DLEU7: variants seen among roughly 807,000 people sequenced by gnomAD.
The protein encoded by DLEU7 is leukemia-associated protein 7.
Under a neutral mutation model 16.0 loss-of-function variants are expected in DLEU7, and 17 were observed. The observed-to-expected ratio is 1.06, with a 90% CI of 0.73 to 1.59. The LOEUF (loss-of-function observed/expected upper bound fraction) is 1.59. Among genes scored for constraint, DLEU7 ranks in the 40% most tolerant of loss-of-function variants. The probability of loss-of-function intolerance (pLI) is 0.00; values close to 1 mark genes in which losing one functional copy is unlikely to be tolerated. For missense variants in DLEU7, 308 were observed against 314.9 expected (o/e 0.98, Z 0.17); for synonymous variants, 113 against 139.8 (o/e 0.81, Z 1.35).
At chr13:50,717,233 C>T (rs1338155108) in intron 1 of DLEU7, among the ~76,000 whole-genome samples, 1 of 152,106 alleles carries the variant, frequency 6.6e-6, no homozygotes, top group Admixed American at 6.5e-5. Flanking sequence ...AGTGAATTTG[C>T]TATATACAAG....
intron 1 of DLEU7, chr13:50,840,177 C>T (rs998427536): frequency 2.0e-5 from 3 of 152,146 alleles, no homozygotes; most frequent in Non-Finnish European, 2.9e-5. Context: ...TTTCCATTCC[C>T]GGAAATCCTC....
rs146732451 is a variant in DLEU7, at chr13:50,801,780, T to C, written c.459+41408A>G. Among the ~76,000 whole-genome samples the C allele has an allele frequency of 3.0e-4, 45 of 152,280 alleles. No homozygotes were observed. The East Asian group carries it at 8.1e-3, about 27-fold the overall frequency. On this transcript the variant is annotated intron_variant, in intron 1 of 1. Transcript: ENST00000400393. ...GTTAGGGAGTTCAAAGTTGAATTCATGAGAATCTGAGAAATCTATGTCAAT... is the reference window on the plus strand; with the variant it reads ...GTTAGGGAGTTCAAAGTTGAATTCACGAGAATCTGAGAAATCTATGTCAAT...
At chr13:50,739,003 A>ACG (rs1190802000) in intron 1 of DLEU7, among the ~76,000 whole-genome samples, 1 of 87,082 alleles carries the variant, frequency 1.1e-5, no homozygotes, top group Non-Finnish European at 2.1e-5. Flanking sequence ...ACACACACAC[A>ACG]CGCACACACA....
intron 1 of DLEU7, among the ~76,000 whole-genome samples, chr13:50,778,134 T>C (rs1566248536): frequency 6.6e-6 from 1 of 151,970 alleles, no homozygotes; most frequent in Non-Finnish European, 1.5e-5. Flanking sequence ...GACTTGGGGG[T>C]CTCAGGAAAC....
chr13:50,807,080 TTAAG>T (rs1168983037), intron 1 of DLEU7, among the ~76,000 whole-genome samples: 1 of 151,376 alleles, frequency 6.6e-6, no homozygotes, highest in African/African-American at 2.4e-5. Context: ...AGTACTAAAA[TTAAG>T]TGTGTTAAAT....
At chr13:50,729,491 A>G (rs549714497) in intron 1 of DLEU7, among the ~76,000 whole-genome samples, 23 of 152,276 alleles carry the variant, frequency 1.5e-4, no homozygotes, top group Non-Finnish European at 3.2e-4. Context: ...CACAATGATC[A>G]TTTGTGTGCA....
At chr13:50,810,418 A>G (rs191132046) in intron 1 of DLEU7, among the ~76,000 whole-genome samples, 2 of 152,276 alleles carry the variant, frequency 1.3e-5, no homozygotes, top group East Asian at 3.9e-4. Flanking sequence ...ATATGTTTCT[A>G]CCATCTATTA....
chr13:50,839,468 T>C (rs1197733784), intron 1 of DLEU7, among the ~76,000 whole-genome samples: 1 of 152,202 alleles, frequency 6.6e-6, no homozygotes, highest in Admixed American at 6.5e-5. Flanking sequence ...AAAATCCTAT[T>C]TTTAAATGTC....
chr13:50,800,848 C>G (rs1018667479), intron 1 of DLEU7, among the ~76,000 whole-genome samples: 3 of 152,064 alleles, frequency 2.0e-5, no homozygotes, highest in Non-Finnish European at 2.9e-5. Context: ...ACTTTTCTGT[C>G]TCCTTATGTT....
downstream of DLEU7, among the ~76,000 whole-genome samples, chr13:50,819,543 G>GA (rs747096687): frequency 6.6e-6 from 1 of 152,174 alleles, no homozygotes; most frequent in Non-Finnish European, 1.5e-5. Flanking sequence ...CCTAGGACCA[G>GA]AATAGTGGCT....
chr13:50,786,319 TA>T (rs1405810173), intron 1 of DLEU7, among the ~76,000 whole-genome samples: 2 of 152,210 alleles, frequency 1.3e-5, no homozygotes, highest in Non-Finnish European at 2.9e-5. Flanking sequence ...GCAAATTATG[TA>T]ATTGCCCAGA....
At chr13:50,798,806 G>A (rs1876169694) in intron 1 of DLEU7, among the ~76,000 whole-genome samples, 1 of 152,188 alleles carries the variant, frequency 6.6e-6, no homozygotes, top group East Asian at 1.9e-4. Context: ...AGTGCACACA[G>A]CCATTGCTCC....
In DLEU7 at chr13:50,733,758, G is replaced by A. The variant is rs1020698972; in HGVS notation, c.460-20518C>T. On this transcript the variant is annotated intron_variant, in intron 1 of 1. Coordinates refer to the DLEU7 transcript ENST00000400393. ...TAACAAAATAATAATAGTAACTTCC[G>A]CTTTGACTGTTAAGTATCACACATT... is the stretch of plus-strand genomic sequence containing the variant. Among the ~76,000 whole-genome samples, 16 of 151,978 alleles carry A rather than the reference G, an allele frequency of 1.1e-4. No homozygotes were observed. The South Asian group carries it at 1.2e-3, about 12-fold the overall frequency.
chr13:50,828,103 C>A (rs576679294), intron 1 of DLEU7, among the ~76,000 whole-genome samples: 1 of 152,160 alleles, frequency 6.6e-6, no homozygotes, highest in African/African-American at 2.4e-5. Context: ...AACATACATT[C>A]AGTCTACACA....
At chr13:50,730,694 A>G (rs550690416) in intron 1 of DLEU7, among the ~76,000 whole-genome samples, 7 of 152,248 alleles carry the variant, frequency 4.6e-5, no homozygotes, top group African/African-American at 1.7e-4. Flanking sequence ...CAGAAAAGGC[A>G]TTTTACAACT....
At chr13:50,722,280 A>G (rs1276472608) in intron 1 of DLEU7, among the ~76,000 whole-genome samples, 1 of 152,186 alleles carries the variant, frequency 6.6e-6, no homozygotes, top group Non-Finnish European at 1.5e-5. Flanking sequence ...GTGTTTCTGT[A>G]TCATTATGAG....
intron 1 of DLEU7, among the ~76,000 whole-genome samples, chr13:50,792,425 A>G (rs73495650): frequency 0.04 from 6,146 of 152,246 alleles, 427 homozygotes; most frequent in African/African-American, 0.14. Context: ...TGAATCCCCA[A>G]TGCAACTTCC....
intron 1 of DLEU7, among the ~76,000 whole-genome samples, chr13:50,800,226 C>A (rs1876209231): frequency 6.6e-6 from 1 of 152,150 alleles, no homozygotes; most frequent in African/African-American, 2.4e-5. Flanking sequence ...ACAGAGGTGG[C>A]ATCTGGAAGT....
At position 50,737,778 on chromosome 13, in the gene DLEU7, T is replaced by C. The variant is rs180771794; in HGVS notation, c.460-24538A>G. ...GCCAATTAGTAACCCTACAGTGGCC[T>C]CTAAGTGTACAGGTGAAAGGAAAAT... On this transcript the variant is annotated intron_variant, in intron 1 of 1. Transcript: ENST00000400393. 1.4e-3 allele frequency among the ~76,000 whole-genome samples: 219 copies of C among 152,196 alleles called. 1 individual carries two copies. Among genetic ancestry groups the C allele is most frequent in the Middle Eastern group, 6.8e-3 (2 of 294 alleles).
Sources: allele counts gnomAD v4.1 joint callset (sites outside exome capture counted in the v4.1 genomes callset), GRCh38; gene constraint gnomAD v4.1.1; transcripts MANE v1.5; gene names NCBI Gene and HGNC (gene_info 2026-07-23, HGNC 2026-07-21).